The following IFT88 variants were observed in gnomAD, a reference collection of about 807,000 sequenced individuals.
IFT88 encodes intraflagellar transport protein 88 homolog.
IFT88 carries 74 observed loss-of-function variants against 119.5 expected under a neutral mutation model. The ratio of observed to expected loss-of-function variants is 0.62; its 90% CI spans 0.51 to 0.75. IFT88 has a LOEUF of 0.75. Ranked by LOEUF, IFT88 falls within the 30% of genes least tolerant of loss-of-function variation. The pLI is 0.00. For missense variants in IFT88, 961 were observed against 977.7 expected, an observed-to-expected ratio of 0.98 and a Z score of 0.23; for synonymous variants, 279 against 316.7, an observed-to-expected ratio of 0.88 and a Z score of 1.26.
chr13:20,682,469 G>C (rs1047312029), intron 24 of IFT88, among the ~76,000 whole-genome samples: 4 of 152,208 alleles, frequency 2.6e-5, no homozygotes, highest in African/African-American at 9.6e-5. Context: ...GGAATGCCTA[G>C]AGCAGGTTGT....
chr13:20,580,967 C>T (rs1223204210), intron 2 of IFT88, among the ~76,000 whole-genome samples: 7 of 152,068 alleles, frequency 4.6e-5, no homozygotes, highest in Admixed American at 6.5e-5. Flanking sequence ...CTTCATGATC[C>T]GCCCACCTCA....
chr13:20,629,471 AC>A (rs552258074), intron 15 of IFT88, among the ~76,000 whole-genome samples: 115 of 152,336 alleles, frequency 7.5e-4, no homozygotes, highest in African/African-American at 2.7e-3. Flanking sequence ...TACTTTGTAA[AC>A]TACTGACCTA....
intron 20 of IFT88, among the ~76,000 whole-genome samples, chr13:20,649,864 A>G (rs1388251008): frequency 6.6e-6 from 1 of 152,164 alleles, no homozygotes; most frequent in Non-Finnish European, 1.5e-5. Flanking sequence ...CCTTGCCTCA[A>G]CAAATTAGAT....
At chr13:20,652,279 T>C (rs1198630113) in intron 20 of IFT88, among the ~76,000 whole-genome samples, 1 of 152,214 alleles carries the variant, frequency 6.6e-6, no homozygotes, top group Non-Finnish European at 1.5e-5. Context: ...CATTGTATTG[T>C]GTCCTTTAAG....
Position 20,691,442 on chromosome 13 carries a change from G to T in IFT88, c.*267G>T. ...GAAATAAATTTCATAACACAACCTA[G>T]TACATATATGTGTATGTAGTCATAA... On this transcript the variant is annotated 3_prime_UTR_variant, in exon 26 of 26. Transcript: ENST00000351808. The T allele has an allele frequency of 7.6e-6, 2 of 262,412 alleles. No individual in the cohort carries two copies. The highest frequency in any genetic ancestry group is 5.0e-5 in the Admixed American group (1 of 19,960). The allele number at this position is 262,412 out of a possible 1,614,324, so 16.3% of individuals were successfully genotyped here.
rs372975558 is a variant in IFT88, at chr13:20,591,619, A to T, written c.266A>T (p.Asp89Val). 1.8e-5 allele frequency: 29 copies of T among 1,611,058 alleles called. No homozygotes were observed. The highest frequency in any genetic ancestry group is 8.4e-5 in the Admixed American group (5 of 59,880). ...AAATGATTCCCATTCTCTTTAAAGG[A>T]TGGAGTTACTAGACCCATGACAGCA... ...IGRPMTGAIQ[D>V]GVTRPMTAVR... Residue 89 changes from aspartate to valine, a missense_variant and splice_region_variant, in exon 6 of 26, where the codon GAT (aspartate) becomes GTT (valine). Physicochemically the swap from Asp to Val is radical, Grantham distance 152 (BLOSUM62 -3). Transcript: ENST00000351808.
chr13:20,665,050 G>A (rs2054455871), intron 23 of IFT88, among the ~76,000 whole-genome samples: 3 of 150,920 alleles, frequency 2.0e-5, no homozygotes, highest in Admixed American at 1.3e-4. Context: ...CTGCACTCCA[G>A]CCTGGGCAAC....
chr13:20,650,780 T>C (rs374932268), intron 20 of IFT88, among the ~76,000 whole-genome samples: 2 of 152,108 alleles, frequency 1.3e-5, no homozygotes, highest in African/African-American at 4.8e-5. Flanking sequence ...GATATAAAAT[T>C]AACCCACAAA....
intron 17 of IFT88, among the ~76,000 whole-genome samples, chr13:20,639,072 G>A (rs142628856): frequency 1.8e-4 from 28 of 152,266 alleles, no homozygotes; most frequent in African/African-American, 6.3e-4. Context: ...CCTGAAATGG[G>A]CATCATCACC....
At position 20,568,003 on chromosome 13, in the gene IFT88, C is replaced by T. The variant is rs993128700; in HGVS notation, c.-7+747C>T. 1.1e-5 allele frequency: 8 copies of T among 712,960 alleles called. No homozygotes were observed. Among genetic ancestry groups the T allele is most frequent in the Admixed American group, 8.0e-5 (4 of 49,906 alleles). 44.2% of individuals were successfully genotyped at this position (712,960 alleles called of 1,614,324 possible). A position where few individuals can be genotyped will look rare whatever the true frequency, so the allele number is the denominator to read the frequency against. On this transcript the variant is annotated intron_variant, in intron 1 of 25. Coordinates refer to ENST00000351808, the MANE Select transcript of IFT88 (RefSeq NM_006531.5). ...TGAAATTCACAAACACTAAGGTAGC[C>T]GATGAGCTTTAAAAAAAATCGCAAA...
At chr13:20,585,280 C>T (rs2039458836) in intron 3 of IFT88, among the ~76,000 whole-genome samples, 1 of 152,164 alleles carries the variant, frequency 6.6e-6, no homozygotes, top group African/African-American at 2.4e-5. Flanking sequence ...CTTGATAATT[C>T]TCTGGAAAGA....
chr13:20,589,466 C>A (rs1031362493), intron 3 of IFT88, among the ~76,000 whole-genome samples: 1 of 152,114 alleles, frequency 6.6e-6, no homozygotes. Flanking sequence ...TTCTCAGACC[C>A]CAAATCTTGT....
In IFT88 at chr13:20,601,753, G is replaced by A. The variant is rs746487869; in HGVS notation, c.861G>A (p.Gln287=). The A allele has an allele frequency of 1.9e-6, 3 of 1,613,154 alleles. No homozygotes were observed. Among genetic ancestry groups the A allele is most frequent in the Non-Finnish European group, 2.5e-6 (3 of 1,179,190 alleles). ...NIGVTFIQAG[Q]YSDAINSYEH... is the part of the protein sequence containing the mutation. ...GAGTTACATTTATTCAGGCTGGTCA[G>A]TATTCAGATGCTATTAATTCATATG... The change falls in exon 12 of 26, where the codon CAG becomes CAA. Residue 287 remains glutamine (Q), a synonymous_variant. Coordinates refer to ENST00000351808, the MANE Select transcript of IFT88 (RefSeq NM_006531.5).
At chr13:20,658,133 G>A (rs1299800932) in intron 22 of IFT88, among the ~76,000 whole-genome samples, 1 of 146,822 alleles carries the variant, frequency 6.8e-6, no homozygotes, top group Non-Finnish European at 1.5e-5. Context: ...TTTTCTTCTT[G>A]TCTCCTAGGC....
chr13:20,667,780 C>T (rs2054994773), intron 23 of IFT88, among the ~76,000 whole-genome samples: 1 of 151,954 alleles, frequency 6.6e-6, no homozygotes, highest in Non-Finnish European at 1.5e-5. Flanking sequence ...CAGAAAGTTT[C>T]CCCCAAGCTG....
chr13:20,628,177 A>T (rs1420754699), intron 15 of IFT88, among the ~76,000 whole-genome samples: 1 of 152,190 alleles, frequency 6.6e-6, no homozygotes. Flanking sequence ...GTGAGGATAT[A>T]GTTCTGGAGT....
intron 21 of IFT88, 127 bp from the exon 22 acceptor site, chr13:20,656,238 G>C: frequency 2.7e-6 from 1 of 374,446 alleles, no homozygotes; most frequent in Non-Finnish European, 4.9e-6. Context: ...ATATTAAGTG[G>C]TATATAAAAC....
intron 2 of IFT88, 46 bp from the exon 3 acceptor site, chr13:20,582,911 C>T: frequency 2.8e-6 from 4 of 1,448,064 alleles, no homozygotes; most frequent in Non-Finnish European, 3.8e-6. Flanking sequence ...TTTTTTCCCC[C>T]AATTCTTACT....
chr13:20,596,278 T>G lies in IFT88; in HGVS notation c.489+38T>G, dbSNP rs371504520. The G allele has an allele frequency of 1.5e-5, 14 of 930,580 alleles. No homozygotes were observed. In the African/African-American group the frequency reaches 2.2e-4, roughly 14 times the overall value. The allele number at this position is 930,580 out of a possible 1,614,324, so 57.6% of individuals were successfully genotyped here. On this transcript the variant is annotated intron_variant, in intron 8 of 25. Coordinates refer to ENST00000351808, the MANE Select transcript of IFT88 (RefSeq NM_006531.5). Reference sequence around the variant, plus strand: ...ACAAGATTCAAAATTATGAAGCATTTATAGATGTATGTCTGCTTTTATACA... The same window carrying G: ...ACAAGATTCAAAATTATGAAGCATTGATAGATGTATGTCTGCTTTTATACA...
Sources: gnomAD v4.1 joint callset for allele counts (sites outside exome capture counted in the v4.1 genomes callset) on GRCh38, gnomAD v4.1.1 for gene constraint, MANE v1.5 for transcripts, NCBI Gene and HGNC (gene_info 2026-07-23, HGNC 2026-07-21) for gene names.